TTC28: variants seen among roughly 807,000 people sequenced by gnomAD.
TTC28 encodes tetratricopeptide repeat protein 28.
TTC28 carries 61 observed loss-of-function variants against 198.0 expected under a neutral mutation model. The observed-to-expected ratio is 0.31, with a 90% CI of 0.25 to 0.38. TTC28 has a LOEUF of 0.38. TTC28 is among the 10% of genes least tolerant of loss of function. The pLI is 1.00. For missense variants in TTC28, 2,678 were observed against 3,164.0 expected, an observed-to-expected ratio of 0.85 and a Z score of 3.69; for synonymous variants, 1,171 against 1,297.8, an observed-to-expected ratio of 0.90 and a Z score of 2.10.
At chr22:28,598,826 G>T (rs942817387) in intron 2 of TTC28, among the ~76,000 whole-genome samples, 3 of 152,142 alleles carry the variant, frequency 2.0e-5, no homozygotes, top group Admixed American at 2.0e-4. Context: ...TAACAAGAAT[G>T]ACAAGGGAGT....
intron 1 of TTC28, among the ~76,000 whole-genome samples, chr22:28,644,770 C>A (rs371338369): frequency 6.6e-6 from 1 of 151,964 alleles, no homozygotes; most frequent in African/African-American, 2.4e-5. Flanking sequence ...ATGCAGTAAG[C>A]CGAGATCGCA....
chr22:28,149,283 T>C (rs910624613), intron 6 of TTC28, among the ~76,000 whole-genome samples: 8 of 152,188 alleles, frequency 5.3e-5, no homozygotes, highest in Admixed American at 5.2e-4. Flanking sequence ...GGGATCAGTA[T>C]GTGGAGGAGA....
intron 5 of TTC28, among the ~76,000 whole-genome samples, chr22:28,237,152 T>TTC (rs1233070947): frequency 2.6e-5 from 4 of 151,824 alleles, no homozygotes; most frequent in East Asian, 1.9e-4. Context: ...CGCTGGTGCA[T>TTC]TCTCTCTCTC....
At chr22:28,278,590 A>G (rs149571982) in intron 5 of TTC28, among the ~76,000 whole-genome samples, 8 of 152,342 alleles carry the variant, frequency 5.3e-5, no homozygotes, top group Non-Finnish European at 1.0e-4. Flanking sequence ...TAAATTGCAT[A>G]AAGTACTTTC....
At position 28,669,302 on chromosome 22, in the gene TTC28, TA is replaced by T. The variant is rs368983463; in HGVS notation, c.102+10319del. Among the ~76,000 whole-genome samples the T allele has an allele frequency of 7.3e-3, 850 of 117,198 alleles. 5 individuals are homozygous for T. The highest frequency in any genetic ancestry group is 0.018 in the African/African-American group (569 of 31,952). 76.9% of individuals were successfully genotyped at this position (117,198 alleles called of 152,430 possible). On this transcript the variant is annotated intron_variant, in intron 1 of 22. Coordinates refer to ENST00000397906, the MANE Select transcript of TTC28 (RefSeq NM_001145418.2). ...ATGTACCCTAAAACTTAGAGTATAA[TA>T]AAAAAAAAAAAAGAAAGAAAAAGAA...
At chr22:28,408,650 A>C (rs940677513) in intron 2 of TTC28, among the ~76,000 whole-genome samples, 1 of 152,236 alleles carries the variant, frequency 6.6e-6, no homozygotes, top group Non-Finnish European at 1.5e-5. Context: ...CGGCCTCCCA[A>C]AGTGCTGGGA....
intron 2 of TTC28, among the ~76,000 whole-genome samples, chr22:28,445,773 AAT>A (rs1229766776): frequency 6.6e-6 from 1 of 152,074 alleles, no homozygotes; most frequent in African/African-American, 2.4e-5. Flanking sequence ...CATCTAAGAT[AAT>A]ATACACTATG....
chr22:28,252,959 G>A (rs969466534), intron 5 of TTC28, among the ~76,000 whole-genome samples: 1 of 152,128 alleles, frequency 6.6e-6, no homozygotes, highest in African/African-American at 2.4e-5. Context: ...ACTCAACTCA[G>A]TAGCTATAGT....
At chr22:28,425,818 T>C (rs527806446) in intron 2 of TTC28, among the ~76,000 whole-genome samples, 2 of 152,204 alleles carry the variant, frequency 1.3e-5, no homozygotes, top group Non-Finnish European at 2.9e-5. Context: ...TCTTCTGCCC[T>C]ACAATAGGGC....
At chr22:28,337,056 T>C (rs1243052490) in intron 2 of TTC28, among the ~76,000 whole-genome samples, 1 of 152,194 alleles carries the variant, frequency 6.6e-6, no homozygotes, top group Non-Finnish European at 1.5e-5. Context: ...TTCTCATTGG[T>C]TTCAAAGAAC....
chr22:28,144,209 A>G (rs1362064758), intron 6 of TTC28, among the ~76,000 whole-genome samples: 1 of 152,196 alleles, frequency 6.6e-6, no homozygotes, highest in Non-Finnish European at 1.5e-5. Context: ...CATCTTACAT[A>G]ACTTTCCCCA....
At chr22:28,087,692 T>C (rs1282099079) in intron 12 of TTC28, among the ~76,000 whole-genome samples, 2 of 152,102 alleles carry the variant, frequency 1.3e-5, no homozygotes, top group Non-Finnish European at 2.9e-5. Context: ...AAATAAATGG[T>C]ATTCAATTAG....
rs1002766932 is a variant in TTC28 at position 28,108,306 on chromosome 22, C to G, written c.1539G>C (p.Gln513His). The G allele has an allele frequency of 1.6e-5, 25 of 1,535,700 alleles. No homozygotes were observed. Among genetic ancestry groups the G allele is most frequent in the Non-Finnish European group, 2.1e-5 (24 of 1,135,266 alleles). ...IAQELSDYAA[Q>H]GRAYGNMGNA... is the part of the protein sequence containing the mutation. ...TGCCCATATTCCCATAGGCACGGCC[C>G]TGGGCAGCATAATCACTCAGCTCCT... The change falls in exon 7 of 23, where the codon CAG becomes CAC. Residue 513 changes from glutamine to histidine, a missense_variant. Gln to His is a conservative substitution (Grantham distance 24). Coordinates refer to ENST00000397906, the MANE Select transcript of TTC28 (RefSeq NM_001145418.2).
Position 27,982,156 on chromosome 22 carries a change from G to A in TTC28, c.*65C>T. On this transcript the variant is annotated 3_prime_UTR_variant, in exon 23 of 23. Coordinates refer to ENST00000397906, the MANE Select transcript of TTC28 (RefSeq NM_001145418.2). The surrounding 1 kb of genome is among the most constrained non-coding windows in gnomAD (Gnocchi z 5.2). ...CTGTGGGGGGACTGCACTCAGGGAA[G>A]GGCTGAAGCAAACGCCAGGCCCCCA... The A allele has an allele frequency of 7.0e-7, 1 of 1,431,666 alleles. No individual in the cohort carries two copies. The highest frequency in any genetic ancestry group is 9.2e-7 in the Non-Finnish European group (1 of 1,083,674). 88.7% of individuals were successfully genotyped at this position (1,431,666 alleles called of 1,614,324 possible). A position where few individuals can be genotyped will look rare whatever the true frequency, so the allele number is the denominator to read the frequency against.
chr22:28,216,087 T>C (rs1476942442), intron 5 of TTC28, among the ~76,000 whole-genome samples: 3 of 152,178 alleles, frequency 2.0e-5, no homozygotes, highest in Non-Finnish European at 2.9e-5. Context: ...TGAGAGGAGA[T>C]GCACTTTGGG....
At chr22:28,620,349 C>A (rs372669560) in intron 2 of TTC28, among the ~76,000 whole-genome samples, 18 of 142,552 alleles carry the variant, frequency 1.3e-4, no homozygotes, top group East Asian at 2.1e-4. Flanking sequence ...ATCTCTGTCT[C>A]AAAAAAAAAA....
At chr22:28,112,173 G>T (rs565970757) in intron 6 of TTC28, among the ~76,000 whole-genome samples, 2 of 152,214 alleles carry the variant, frequency 1.3e-5, no homozygotes, top group African/African-American at 4.8e-5. Context: ...CATAGCTTGA[G>T]AAACATAATA....
intron 2 of TTC28, among the ~76,000 whole-genome samples, chr22:28,381,143 A>G (rs2046487609): frequency 6.6e-6 from 1 of 151,884 alleles, no homozygotes; most frequent in Non-Finnish European, 1.5e-5. Flanking sequence ...TCAAAAAAAA[A>G]AAAAAGAAAA....
intron 2 of TTC28, among the ~76,000 whole-genome samples, chr22:28,499,517 T>C (rs762902613): frequency 6.6e-6 from 1 of 152,132 alleles, no homozygotes; most frequent in Non-Finnish European, 1.5e-5. Context: ...AATACCTTTT[T>C]TCCTCTGGAA....
Sources: allele counts gnomAD v4.1 joint callset (sites outside exome capture counted in the v4.1 genomes callset), GRCh38; gene constraint gnomAD v4.1.1; non-coding constraint Gnocchi (gnomAD v3.1); transcripts MANE v1.5; gene names NCBI Gene and HGNC (gene_info 2026-07-23, HGNC 2026-07-21).